WNK1: variants seen among roughly 807,000 people sequenced by gnomAD.
The protein encoded by WNK1 is serine/threonine-protein kinase WNK1.
In WNK1, 38 loss-of-function variants were observed where a neutral mutation model predicts 222.8. The observed-to-expected ratio is 0.17, with a 90% confidence interval of 0.13 to 0.22. WNK1 has a LOEUF of 0.22. Among genes scored for constraint, WNK1 ranks in the 10% least tolerant of loss-of-function variants. The pLI is 1.00. For missense variants in WNK1, 2,348 were observed against 2,918.4 expected (o/e 0.80, Z 4.50); for synonymous variants, 1,090 against 1,092.9 (o/e 1.00, Z 0.05).
rs138290029 is a variant in WNK1, at chr12:875,099, T to G, written c.2224-3113T>G. On this transcript the variant is annotated intron_variant, in intron 9 of 27. Coordinates refer to ENST00000315939, the MANE Select transcript of WNK1 (RefSeq NM_018979.4). ...GAAAAATAGGGTACAAAAACAAATG[T>G]GCCTTTAGTTTGGTTTAACTAGAGC... Among the ~76,000 whole-genome samples, 148 of 152,310 alleles carry G rather than the reference T, an allele frequency of 9.7e-4. 2 individuals are homozygous for G. The highest frequency in any genetic ancestry group is 8.2e-3 in the Admixed American group (126 of 15,298).
chr12:840,311 T>C (rs1949527787), intron 4 of WNK1, among the ~76,000 whole-genome samples: 1 of 112,098 alleles, frequency 8.9e-6, no homozygotes, highest in South Asian at 2.8e-4. Context: ...TTTTTTTTTT[T>C]TGTAGAGGTG....
intron 21 of WNK1, 21 bp from the exon 22 acceptor site, chr12:890,432 C>G: frequency 6.2e-7 from 1 of 1,614,048 alleles, no homozygotes; most frequent in Non-Finnish European, 8.5e-7. Context: ...TTTGTGGTGT[C>G]TGTCTGTGTG....
chr12:864,936 C>CT (rs542198143), intron 8 of WNK1, among the ~76,000 whole-genome samples: 103 of 151,466 alleles, frequency 6.8e-4, no homozygotes, highest in African/African-American at 2.4e-3. Context: ...TAGTTGTGAT[C>CT]TGTCAGATGT....
At chr12:883,940 A>G (rs1009885228) in intron 17 of WNK1, 109 bp downstream of exon 17, 5 of 1,507,072 alleles carry the variant, frequency 3.3e-6, no homozygotes, top group East Asian at 4.6e-5. Flanking sequence ...AGGCACGAGA[A>G]TCGCTTGAAC....
At chr12:793,988 C>T (rs1368740081) in intron 1 of WNK1, among the ~76,000 whole-genome samples, 1 of 152,148 alleles carries the variant, frequency 6.6e-6, no homozygotes, top group Non-Finnish European at 1.5e-5. Flanking sequence ...CTATTCTGGA[C>T]ATTTTATATA....
chr12:754,417 C>T (rs1047960555), intron 1 of WNK1, 93 bp downstream of exon 1: 25 of 1,530,886 alleles, frequency 1.6e-5, no homozygotes, highest in African/African-American at 1.2e-4. Flanking sequence ...ACTTGGCATT[C>T]TCTGTTGGAC....
chr12:907,693 A>C, intron 26 of WNK1, 154 bp from the exon 27 acceptor site: 3 of 933,736 alleles, frequency 3.2e-6, no homozygotes, highest in Non-Finnish European at 5.1e-6. Flanking sequence ...ACAAATGGCT[A>C]AACAAAACCT....
At chr12:785,439 A>G (rs958798064) in intron 1 of WNK1, among the ~76,000 whole-genome samples, 3 of 109,626 alleles carry the variant, frequency 2.7e-5, no homozygotes, top group South Asian at 3.2e-4. Flanking sequence ...TTGCTCTGTC[A>G]CCCAGAGCTG....
intron 8 of WNK1, chr12:869,002 G>A: frequency 6.2e-7 from 1 of 1,610,048 alleles, no homozygotes. Flanking sequence ...CTCAGACAGT[G>A]TTACAAGAAT....
chr12:852,351 A>G (rs1010264793), intron 4 of WNK1, among the ~76,000 whole-genome samples: 1 of 152,172 alleles, frequency 6.6e-6, no homozygotes, highest in Non-Finnish European at 1.5e-5. Context: ...AATTGTGCAG[A>G]AGTGGCCTTT....
At chr12:902,393 T>C (rs1955343197) in intron 26 of WNK1, among the ~76,000 whole-genome samples, 1 of 152,214 alleles carries the variant, frequency 6.6e-6, no homozygotes, top group Admixed American at 6.5e-5. Flanking sequence ...TTTTTTTCCA[T>C]TCTTTGTCAG....
intron 1 of WNK1, among the ~76,000 whole-genome samples, chr12:755,423 T>C (rs763399101): frequency 1.3e-5 from 2 of 152,228 alleles, no homozygotes; most frequent in South Asian, 2.1e-4. Context: ...ACCCTTTGAA[T>C]GTCAGGTTCC....
chr12:778,005 G>A (rs891311856), intron 1 of WNK1, among the ~76,000 whole-genome samples: 1 of 152,184 alleles, frequency 6.6e-6, no homozygotes, highest in Non-Finnish European at 1.5e-5. Context: ...TGTATTTAGT[G>A]CTCTAGCTAT....
intron 25 of WNK1, among the ~76,000 whole-genome samples, chr12:898,974 A>C (rs1954985714): frequency 6.6e-6 from 1 of 152,160 alleles, no homozygotes; most frequent in Non-Finnish European, 1.5e-5. Flanking sequence ...CTCCTGGCTC[A>C]GGTGATCCAC....
intron 1 of WNK1, among the ~76,000 whole-genome samples, chr12:782,201 A>C (rs965613523): frequency 2.0e-5 from 3 of 152,208 alleles, no homozygotes; most frequent in African/African-American, 7.2e-5. Flanking sequence ...TTTATGACCT[A>C]ATTATCATTT....
chr12:804,916 A>ATTT (rs1946225703), intron 1 of WNK1, among the ~76,000 whole-genome samples: 13 of 29,252 alleles, frequency 4.4e-4, no homozygotes, highest in South Asian at 1.0e-3. Context: ...TATTTTATAT[A>ATTT]TATAATTAAT....
chr12:848,609 G>A (rs1295285321), intron 4 of WNK1, among the ~76,000 whole-genome samples: 1 of 140,160 alleles, frequency 7.1e-6, no homozygotes, highest in Non-Finnish European at 1.5e-5. Context: ...TTTGTGTTAA[G>A]AGCCCATAGA....
intron 2 of WNK1, among the ~76,000 whole-genome samples, chr12:815,125 C>A (rs1430317089): frequency 6.6e-6 from 1 of 152,194 alleles, no homozygotes; most frequent in African/African-American, 2.4e-5. Flanking sequence ...CTGCCACTCA[C>A]CTCCTGCTGT....
In WNK1 at chr12:884,534, C is replaced by T; in HGVS notation, c.3845-115C>T. On this transcript the variant is annotated intron_variant, in intron 18 of 27. Transcript: ENST00000315939. The surrounding 1 kb of genome is among the most constrained non-coding windows in gnomAD (Gnocchi z 5.6). The stretch of plus-strand genomic sequence containing the variant: ...CTGTTGTCTATGTTTTAAGATTACT[C>T]CATATTTTTTATCAAAAACAGATAT... 1.8e-6 allele frequency: 2 copies of T among 1,107,776 alleles called. No individual in the cohort carries two copies. The highest frequency in any genetic ancestry group is 2.7e-6 in the Non-Finnish European group (2 of 752,336). The allele number at this position is 1,107,776 out of a possible 1,614,324, so 68.6% of individuals were successfully genotyped here.
Sources: gnomAD v4.1 joint callset for allele counts (sites outside exome capture counted in the v4.1 genomes callset) on GRCh38, gnomAD v4.1.1 for gene constraint, Gnocchi (gnomAD v3.1) non-coding constraint, MANE v1.5 for transcripts, NCBI Gene and HGNC (gene_info 2026-07-23, HGNC 2026-07-21) for gene names.